Variants in CAST observed in about 807,000 individuals in gnomAD.
The protein encoded by CAST is calpastatin.
A neutral mutation model predicts 119.6 loss-of-function variants in CAST; 76 were observed. The ratio of observed to expected loss-of-function variants is 0.64; its 90% CI spans 0.53 to 0.77. The LOEUF (loss-of-function observed/expected upper bound fraction) is 0.77. Ranked by LOEUF, CAST falls within the 30% of genes least tolerant of loss-of-function variation. The pLI, the probability that CAST is intolerant of heterozygous loss-of-function variation, is 0.00. For missense variants in CAST, 953 were observed against 946.5 expected (o/e 1.01, Z -0.09); for synonymous variants, 319 against 331.6 (o/e 0.96, Z 0.41).
At chr5:96,648,780 G>C (rs1361886681) in intron 1 of CAST, among the ~76,000 whole-genome samples, 4 of 151,778 alleles carry the variant, frequency 2.6e-5, no homozygotes, top group Non-Finnish European at 4.4e-5. Flanking sequence ...CACACAGCTA[G>C]GTAGTGGCAG....
chr5:96,351,900 T>C, the CAST span, among the ~76,000 whole-genome samples: 1 of 152,318 alleles, frequency 6.6e-6, no homozygotes, highest in South Asian at 2.1e-4. Flanking sequence ...CCAGATTTTC[T>C]AAAAGGATCA....
chr5:95,992,901 A>G, the CAST span, among the ~76,000 whole-genome samples: 3 of 152,148 alleles, frequency 2.0e-5, no homozygotes, highest in African/African-American at 7.2e-5. Context: ...AAGGCAAAGG[A>G]CCTAGAAAAT....
At chr5:96,213,446 A>G in the CAST span, 2 of 152,290 alleles carry the variant, frequency 1.3e-5, no homozygotes, top group South Asian at 4.1e-4. Flanking sequence ...ACTAATGCAT[A>G]CACAGTGTAT....
the CAST span, among the ~76,000 whole-genome samples, chr5:96,456,379 A>C: frequency 4.6e-5 from 7 of 152,158 alleles, no homozygotes; most frequent in African/African-American, 1.7e-4. Context: ...GAAAACCTCT[A>C]TTCCCTTTGC....
At chr5:96,046,901 TATTC>T in the CAST span, among the ~76,000 whole-genome samples, 58 of 152,218 alleles carry the variant, frequency 3.8e-4, no homozygotes, top group African/African-American at 1.3e-3. Context: ...TCGTGAAACT[TATTC>T]ATTATCACGA....
the CAST span, among the ~76,000 whole-genome samples, chr5:96,403,090 G>T: frequency 6.6e-6 from 1 of 152,112 alleles, no homozygotes; most frequent in Admixed American, 6.5e-5. Context: ...GAGGCTTAAG[G>T]CAAGGTGCTG....
intron 29 of CAST, chr5:96,769,799 A>G (rs1211069041): frequency 6.7e-6 from 1 of 149,094 alleles, no homozygotes; most frequent in African/African-American, 2.5e-5. Flanking sequence ...TTTTTCTTTT[A>G]TATATATTCT....
intron 1 of CAST, among the ~76,000 whole-genome samples, chr5:96,631,590 T>C (rs1261031028): frequency 7.2e-6 from 1 of 138,348 alleles, no homozygotes; most frequent in African/African-American, 2.6e-5. Context: ...AATACTTTTT[T>C]TTTTTTTTGA....
At chr5:96,051,376 A>C in the CAST span, among the ~76,000 whole-genome samples, 3 of 152,158 alleles carry the variant, frequency 2.0e-5, no homozygotes. Flanking sequence ...GGTAGGAATA[A>C]AGTATTGAAG....
the CAST span, among the ~76,000 whole-genome samples, chr5:95,973,604 T>TAA: frequency 6.6e-6 from 1 of 152,212 alleles, no homozygotes; most frequent in Non-Finnish European, 1.5e-5. Flanking sequence ...TCCATTGAAC[T>TAA]GTATTTGCAC....
the CAST span, among the ~76,000 whole-genome samples, chr5:95,966,772 T>TC: frequency 2.0e-5 from 3 of 152,140 alleles, no homozygotes; most frequent in African/African-American, 4.8e-5. Flanking sequence ...TTAGCTTTTT[T>TC]CCCCTCTCTC....
At chr5:96,568,297 G>T (rs997777728) in intron 1 of CAST, among the ~76,000 whole-genome samples, 6 of 152,110 alleles carry the variant, frequency 3.9e-5, no homozygotes, top group African/African-American at 1.4e-4. Flanking sequence ...GGACACGGTG[G>T]CTCACGCCTG....
chr5:96,738,703 C>T (rs1048680975), intron 11 of CAST, among the ~76,000 whole-genome samples: 2 of 152,066 alleles, frequency 1.3e-5, no homozygotes, highest in Non-Finnish European at 2.9e-5. Context: ...GAGGCCGAGG[C>T]AGGCGGATCA....
the CAST span, among the ~76,000 whole-genome samples, chr5:96,352,600 A>G: frequency 6.6e-6 from 1 of 152,320 alleles, no homozygotes; most frequent in African/African-American, 2.4e-5. Context: ...TCCTTTTAAC[A>G]CAATTATCAA....
chr5:96,385,514 T>C, the CAST span, among the ~76,000 whole-genome samples: 1 of 152,244 alleles, frequency 6.6e-6, no homozygotes, highest in Non-Finnish European at 1.5e-5. Context: ...TTTCCATATA[T>C]GTAAAAATAC....
At chr5:96,130,579 G>A in the CAST span, among the ~76,000 whole-genome samples, 1 of 151,984 alleles carries the variant, frequency 6.6e-6, no homozygotes, top group Non-Finnish European at 1.5e-5. Context: ...AGGAGAAACT[G>A]TATGGAGGGT....
At chr5:96,205,278 T>G in the CAST span, among the ~76,000 whole-genome samples, 1 of 151,794 alleles carries the variant, frequency 6.6e-6, no homozygotes, top group Non-Finnish European at 1.5e-5. Flanking sequence ...AATTTTTCCT[T>G]TTATGAATTG....
chr5:96,767,075 A>G (rs935630401), intron 27 of CAST, among the ~76,000 whole-genome samples: 2 of 152,212 alleles, frequency 1.3e-5, no homozygotes, highest in East Asian at 3.8e-4. Context: ...ATCCCTGATG[A>G]CTTTCTAAGT....
chr5:96,217,355 T>G, the CAST span, among the ~76,000 whole-genome samples: 1 of 149,358 alleles, frequency 6.7e-6, no homozygotes, highest in Non-Finnish European at 1.5e-5. Flanking sequence ...TAAATTTTTT[T>G]TTTTTAACCA....
Sources: gnomAD v4.1 joint callset for allele counts (sites outside exome capture counted in the v4.1 genomes callset) on GRCh38, gnomAD v4.1.1 for gene constraint, MANE v1.5 for transcripts, NCBI Gene and HGNC (gene_info 2026-07-23, HGNC 2026-07-21) for gene names.